Variants in PHKA2 observed in about 807,000 individuals in gnomAD.
The protein encoded by PHKA2 is phosphorylase b kinase regulatory subunit alpha, liver isoform.
Under a neutral mutation model 102.0 loss-of-function variants are expected in PHKA2, and 31 were observed. The ratio of observed to expected loss-of-function variants is 0.30; its 90% CI spans 0.23 to 0.41. The LOEUF is 0.41. Among genes scored for constraint, PHKA2 ranks in the 10% least tolerant of loss-of-function variants. The pLI, the probability that PHKA2 is intolerant of heterozygous loss-of-function variation, is 1.00. For missense variants in PHKA2, 858 were observed against 1,023.1 expected (o/e 0.84, Z 2.20); for synonymous variants, 455 against 416.2 (o/e 1.09, Z -1.13).
chrX:18,950,770 A>G (rs1569325776), intron 4 of PHKA2, among the ~76,000 whole-genome samples: 1 of 112,135 alleles, frequency 8.9e-6, no homozygotes, highest in Non-Finnish European at 1.9e-5. Context: ...CATATCCTAC[A>G]TGGGATGAAG....
chrX:18,894,312 G>A lies in PHKA2; in HGVS notation c.3429C>T (p.Ala1143=). 1 of 1,211,185 alleles carries A rather than the reference G, an allele frequency of 8.3e-7. No individual in the cohort carries two copies. The highest frequency in any genetic ancestry group is 1.1e-6 in the Non-Finnish European group (1 of 894,971). The change falls in exon 32 of 33, where the codon GCC becomes GCT. Residue 1143 remains alanine, a synonymous_variant. Transcript: ENST00000379942. ...CCGAGAGCAGCGTCAGCACCATGAT[G>A]GCTTCCACCAGCAGCTGCCGGTACT... ...QPEYRQLLVE[A]IMVLTLLSDT...
chrX:18,925,545 A>T, intron 15 of PHKA2, 123 bp downstream of exon 15: 1 of 538,145 alleles, frequency 1.9e-6, no homozygotes, highest in Non-Finnish European at 3.4e-6. Flanking sequence ...GGCTCTTGGT[A>T]TCATTTCATA....
At chrX:18,919,803 C>T (rs984532509) in intron 18 of PHKA2, among the ~76,000 whole-genome samples, 1 of 109,616 alleles carries the variant, frequency 9.1e-6, no homozygotes, top group Non-Finnish European at 1.9e-5. Context: ...ACTCTTTGTC[C>T]TTCTAGGTTT....
At chrX:18,920,759 C>T (rs899766282) in intron 17 of PHKA2, among the ~76,000 whole-genome samples, 2 of 112,127 alleles carry the variant, frequency 1.8e-5, no homozygotes, top group Admixed American at 1.9e-4. Context: ...AGGCTGGGCA[C>T]AGTTCCACTG....
chrX:18,918,866 C>T lies in PHKA2; in HGVS notation c.1964-12G>A. 1 of 1,206,648 alleles carries T rather than the reference C, an allele frequency of 8.3e-7. No homozygotes were observed. Among genetic ancestry groups the T allele is most frequent in the Non-Finnish European group, 1.1e-6 (1 of 891,253 alleles). ...TTCGTCTTGGCTTTCTGTAATTGGA[C>T]AAGCAAGAAAAAGAGCCAATGAAAC... On this transcript the variant is annotated splice_polypyrimidine_tract_variant and intron_variant, in intron 18 of 32. Coordinates refer to ENST00000379942, the MANE Select transcript of PHKA2 (RefSeq NM_000292.3).
Position 18,893,688 on chromosome X carries a change from C to T in PHKA2, c.3538-33G>A, listed in dbSNP as rs200164738. The T allele has an allele frequency of 5.5e-5, 64 of 1,167,146 alleles. No homozygotes were observed. In the East Asian group the frequency reaches 1.4e-3, roughly 25 times the overall value. On this transcript the variant is annotated intron_variant, in intron 32 of 32. Transcript: ENST00000379942. ...AGGAAAGGGCAGAGGGGACAATAAG[C>T]GGAGCCCCCACTCCCCGTCACGCTT...
intron 7 of PHKA2, among the ~76,000 whole-genome samples, chrX:18,943,331 A>G (rs763145878): frequency 1.8e-5 from 2 of 112,145 alleles, no homozygotes; most frequent in South Asian, 7.4e-4. Flanking sequence ...CCCCAAGTGA[A>G]CTAGTGCTTG....
intron 1 of PHKA2, among the ~76,000 whole-genome samples, chrX:18,958,425 T>C (rs2048815716): frequency 9.0e-6 from 1 of 111,608 alleles, no homozygotes; most frequent in Non-Finnish European, 1.9e-5. Flanking sequence ...TTTATTTCCA[T>C]GGAATAGAAT....
At chrX:18,898,587 A>C (rs1248786448) in intron 29 of PHKA2, among the ~76,000 whole-genome samples, 1 of 112,862 alleles carries the variant, frequency 8.9e-6, no homozygotes, top group Non-Finnish European at 1.9e-5. Context: ...CAGCAGTTGG[A>C]TTTCAACAGA....
chrX:18,905,229 A>C (rs1415247300), intron 26 of PHKA2, among the ~76,000 whole-genome samples: 1 of 112,436 alleles, frequency 8.9e-6, no homozygotes, highest in Admixed American at 9.3e-5. Context: ...GCTGGAGCGC[A>C]GTGGCGCGAT....
chrX:18,973,042 G>A (rs1001302303), intron 1 of PHKA2, among the ~76,000 whole-genome samples: 4 of 111,043 alleles, frequency 3.6e-5, no homozygotes, highest in African/African-American at 6.6e-5. Context: ...TCATTCTGTC[G>A]CCCAGGCTGG....
chrX:18,948,746 C>T lies in PHKA2; in HGVS notation c.535G>A (p.Ala179Thr), dbSNP rs749441642. ...AGACTACCAGGGTTGATACTTACAG[C>T]GACTTTATATGCAGCTTCTATGTAA... Reference protein sequence around the residue: ...VFYIEAAYKVADYGMWERGDK... With the variant: ...VFYIEAAYKVTDYGMWERGDK... The change falls in exon 5 of 33, where the codon GCT becomes ACT. Residue 179 changes from alanine to threonine, a missense_variant and splice_region_variant. Ala to Thr is a moderately conservative substitution (Grantham distance 58, BLOSUM62 0). Transcript: ENST00000379942. 8.7e-6 allele frequency: 10 copies of T among 1,152,212 alleles called. No homozygotes were observed. The South Asian group carries it at 9.0e-5, about 10-fold the overall frequency. The allele number at this position is 1,152,212 out of a possible 1,213,427, so 95.0% of individuals were successfully genotyped here.
intron 17 of PHKA2, among the ~76,000 whole-genome samples, chrX:18,920,558 C>T (rs916844933): frequency 1.8e-5 from 2 of 112,068 alleles, no homozygotes; most frequent in Non-Finnish European, 3.8e-5. Context: ...TTTTTTCCCC[C>T]AAAACGACTG....
rs184375879 is a variant in PHKA2 at position 18,950,980 on chromosome X, G to A, written c.454+124C>T. ...CGGTTCTGTATAAATGGCCTTGTCTGAGGTATTTTATTAAAGCAGTGAAGC... is the reference window on the plus strand; with the variant it reads ...CGGTTCTGTATAAATGGCCTTGTCTAAGGTATTTTATTAAAGCAGTGAAGC... On this transcript the variant is annotated intron_variant, in intron 4 of 32. Coordinates refer to ENST00000379942, the MANE Select transcript of PHKA2 (RefSeq NM_000292.3). 7,449 of 691,468 alleles carry A rather than the reference G, an allele frequency of 0.011. 48 individuals carry two copies. Among genetic ancestry groups the A allele is most frequent in the Non-Finnish European group, 0.014 (6,079 of 438,092 alleles). 57.0% of individuals were successfully genotyped at this position (691,468 alleles called of 1,213,427 possible). A position where few individuals can be genotyped will look rare whatever the true frequency, so the allele number is the denominator to read the frequency against.
intron 30 of PHKA2, chrX:18,896,265 C>T (rs911738164): frequency 1.8e-5 from 2 of 112,068 alleles, no homozygotes; most frequent in Non-Finnish European, 3.8e-5. Context: ...CTGGTGCAGC[C>T]CAGGGAGCTG....
rs6633167 is a variant in PHKA2 at position 18,903,437 on chromosome X, C to A, written c.2909-1834G>T. ...CTGCTGTGGGCCCGAGGGGCTGGCA[C>A]CCCGGGCAGCTGTGGCCGTGGGCTG... On this transcript the variant is annotated intron_variant, in intron 26 of 32. Transcript: ENST00000379942. Among the ~76,000 whole-genome samples, 7 of 112,501 alleles carry A rather than the reference C, an allele frequency of 6.2e-5. No homozygotes were observed. In the South Asian group the frequency reaches 2.6e-3, roughly 42 times the overall value.
intron 4 of PHKA2, 26 bp from the exon 5 acceptor site, chrX:18,948,852 T>C: frequency 1.0e-6 from 1 of 1,003,187 alleles, no homozygotes; most frequent in Non-Finnish European, 1.4e-6. Flanking sequence ...AATGAGGTTA[T>C]GAAGCCATGT....
At chrX:18,926,403 A>G (rs2048210610) in intron 14 of PHKA2, 50 bp downstream of exon 14, 3 of 1,063,672 alleles carry the variant, frequency 2.8e-6, no homozygotes, top group Non-Finnish European at 3.9e-6. Context: ...CAAATCTAGA[A>G]CCGAGATGCC....
chrX:18,913,411 C>CT (rs1043040372), intron 19 of PHKA2, among the ~76,000 whole-genome samples: 47 of 105,134 alleles, frequency 4.5e-4, no homozygotes, highest in South Asian at 2.0e-3. Flanking sequence ...TATTTTCTTT[C>CT]TTTTTTTTTT....
Sources: allele counts gnomAD v4.1 joint callset (sites outside exome capture counted in the v4.1 genomes callset), GRCh38; gene constraint gnomAD v4.1.1; transcripts MANE v1.5; gene names NCBI Gene and HGNC (gene_info 2026-07-23, HGNC 2026-07-21).